The following ACSBG1 variants were observed in gnomAD, a reference collection of about 807,000 sequenced individuals.
ACSBG1 encodes long-chain-fatty-acid--CoA ligase ACSBG1.
In ACSBG1, 39 loss-of-function variants were observed where a neutral mutation model predicts 80.2. That is an observed-to-expected ratio of 0.49 (90% confidence interval 0.38 to 0.64). The LOEUF (loss-of-function observed/expected upper bound fraction) is 0.64. Among genes scored for constraint, ACSBG1 ranks in the 30% least tolerant of loss-of-function variants. The pLI is 0.00. For synonymous variants in ACSBG1, 392 were observed against 379.5 expected (o/e 1.03, Z -0.38); for missense variants, 828 against 966.4 (o/e 0.86, Z 1.90).
At chr15:78,207,147 G>T (rs2075223340) in intron 2 of ACSBG1, among the ~76,000 whole-genome samples, 1 of 152,212 alleles carries the variant, frequency 6.6e-6, no homozygotes, top group Non-Finnish European at 1.5e-5. Context: ...AGCTGTCCCT[G>T]TTCCTGGCCT....
chr15:78,229,143 GTC>G, intron 1 of ACSBG1, among the ~76,000 whole-genome samples: 1 of 149,702 alleles, frequency 6.7e-6, no homozygotes, highest in East Asian at 1.9e-4. Context: ...ATTTGTTAAT[GTC>G]TGTCTCCCCT....
chr15:78,182,343 A>C, intron 7 of ACSBG1, 123 bp downstream of exon 7: 1 of 1,405,292 alleles, frequency 7.1e-7, no homozygotes, highest in Non-Finnish European at 9.6e-7. Flanking sequence ...TGTTCTACCT[A>C]TCCCAGCTCC....
rs2075303284 is a variant in ACSBG1, at chr15:78,215,728, A to AAGAAAGAAAG, written c.132-7636_132-7627dup. Among the ~76,000 whole-genome samples the AAGAAAGAAAG allele has an allele frequency of 1.8e-4, 9 of 50,672 alleles. 1 individual carries two copies. In the South Asian group the frequency reaches 5.5e-3, roughly 31 times the overall value. The allele number at this position is 50,672 out of a possible 152,430, so 33.2% of individuals were successfully genotyped here. On this transcript the variant is annotated intron_variant, in intron 1 of 13. Coordinates refer to ENST00000258873, the MANE Select transcript of ACSBG1 (RefSeq NM_015162.5). ...GGAAAGAGAGAAAGAAAGAAAGAGA[A>AAGAAAGAAAG]AGAAAGAAAGAAAGAAAGAAAGAAA...
At chr15:78,223,253 A>C (rs1435383742) in intron 1 of ACSBG1, among the ~76,000 whole-genome samples, 1 of 142,488 alleles carries the variant, frequency 7.0e-6, no homozygotes, top group Non-Finnish European at 1.5e-5. Context: ...CAATGAGAGC[A>C]CATGGACATA....
Position 78,178,898 on chromosome 15 carries a change from C to G in ACSBG1, c.1485-67G>C. ...CTCCTCCAAGCCCCCACTGGGGAGC[C>G]GGGGTCCCAACTGCTCGGTCTTCAC... On this transcript the variant is annotated intron_variant, in intron 10 of 13. Coordinates refer to ENST00000258873, the MANE Select transcript of ACSBG1 (RefSeq NM_015162.5). The surrounding 1 kb of genome is among the most constrained non-coding windows in gnomAD (Gnocchi z 4.3). The G allele has an allele frequency of 6.7e-7, 1 of 1,496,102 alleles. No homozygotes were observed. Among genetic ancestry groups the G allele is most frequent in the Non-Finnish European group, 8.9e-7 (1 of 1,118,136 alleles). 92.7% of individuals were successfully genotyped at this position (1,496,102 alleles called of 1,614,324 possible).
chr15:78,228,954 AT>A (rs1212538323), intron 1 of ACSBG1, among the ~76,000 whole-genome samples: 5 of 151,792 alleles, frequency 3.3e-5, no homozygotes, highest in African/African-American at 7.3e-5. Flanking sequence ...GTTATATTCT[AT>A]TTTTTTTAAT....
chr15:78,192,026 T>A (rs530877810), intron 5 of ACSBG1, among the ~76,000 whole-genome samples: 2 of 152,156 alleles, frequency 1.3e-5, no homozygotes, highest in Admixed American at 6.5e-5. Context: ...ATTCCTGGTG[T>A]CCTTATAGAA....
rs191448248 is a variant in ACSBG1 at position 78,208,457 on chromosome 15, G to A, written c.132-355C>T. ...CTGGATGAGGACGGGGCTAAGGTCC[G>A]CACTGGAGGATTCTGAATGCCACTC... On this transcript the variant is annotated intron_variant, in intron 1 of 13. Coordinates refer to ENST00000258873, the MANE Select transcript of ACSBG1 (RefSeq NM_015162.5). Among the ~76,000 whole-genome samples the A allele has an allele frequency of 4.9e-4, 75 of 152,294 alleles. 1 individual carries two copies. The highest frequency in any genetic ancestry group is 1.7e-3 in the African/African-American group (69 of 41,568).
intron 1 of ACSBG1, among the ~76,000 whole-genome samples, chr15:78,212,065 G>A (rs555636506): frequency 1.2e-4 from 19 of 152,306 alleles, no homozygotes; most frequent in East Asian, 1.9e-4. Context: ...AACGCTTCAC[G>A]GATGAGGATC....
At chr15:78,210,660 C>T (rs2075259191) in intron 1 of ACSBG1, among the ~76,000 whole-genome samples, 1 of 152,222 alleles carries the variant, frequency 6.6e-6, no homozygotes, top group African/African-American at 2.4e-5. Context: ...GTTACCCAGG[C>T]TGGAGTGCAG....
chr15:78,223,886 A>C (rs1171081424), intron 1 of ACSBG1, among the ~76,000 whole-genome samples: 1 of 152,176 alleles, frequency 6.6e-6, no homozygotes, highest in Non-Finnish European at 1.5e-5. Context: ...AAGAGAAACA[A>C]CGTGACCACA....
intron 5 of ACSBG1, among the ~76,000 whole-genome samples, chr15:78,186,097 G>C (rs1049546855): frequency 6.6e-6 from 1 of 152,130 alleles, no homozygotes; most frequent in Non-Finnish European, 1.5e-5. Context: ...TATATGTTTA[G>C]GATAGTTAGC....
chr15:78,205,015 G>C (rs146777334), intron 2 of ACSBG1, among the ~76,000 whole-genome samples: 1 of 152,064 alleles, frequency 6.6e-6, no homozygotes, highest in Non-Finnish European at 1.5e-5. Context: ...GGGAGAAAGC[G>C]GGTGGGGAGC....
Position 78,168,905 on chromosome 15 carries a change from C to CT in ACSBG1, c.*2538dup. ...TTTGCGGATACATCTTTTATTTTTG[C>CT]TTTTTCCTTTTCTCAGAGCTTGACA... On this transcript the variant is annotated 3_prime_UTR_variant, in exon 14 of 14. Coordinates refer to ENST00000258873, the MANE Select transcript of ACSBG1 (RefSeq NM_015162.5). The CT allele has an allele frequency of 6.4e-7, 1 of 1,555,168 alleles. No homozygotes were observed. The highest frequency in any genetic ancestry group is 8.8e-7 in the Non-Finnish European group (1 of 1,132,766).
At chr15:78,203,491 C>G (rs1212683326) in intron 2 of ACSBG1, among the ~76,000 whole-genome samples, 2 of 152,248 alleles carry the variant, frequency 1.3e-5, no homozygotes, top group Admixed American at 1.3e-4. Context: ...CTTTCCCAGG[C>G]AAGGTTGGCA....
intron 2 of ACSBG1, among the ~76,000 whole-genome samples, chr15:78,202,586 A>G (rs1305150215): frequency 6.6e-6 from 1 of 151,940 alleles, no homozygotes; most frequent in African/African-American, 2.4e-5. Context: ...AGCCATCTGA[A>G]CTCATCTCCT....
intron 2 of ACSBG1, among the ~76,000 whole-genome samples, chr15:78,195,684 C>CT (rs1466183799): frequency 3.3e-5 from 5 of 152,150 alleles, no homozygotes; most frequent in African/African-American, 1.2e-4. Flanking sequence ...CCTTCTTCCT[C>CT]TTTTTTCCAA....
At chr15:78,207,928 A>ACCCCCCCC in intron 2 of ACSBG1, 74 bp downstream of exon 2, 3 of 383,782 alleles carry the variant, frequency 7.8e-6, no homozygotes, top group Admixed American at 3.1e-5. Flanking sequence ...CCCCCACACC[A>ACCCCCCCC]CCCACCCCTC....
chr15:78,176,885 G>T (rs1181938735), intron 11 of ACSBG1, among the ~76,000 whole-genome samples: 1 of 152,092 alleles, frequency 6.6e-6, no homozygotes, highest in East Asian at 1.9e-4. Context: ...CCGAGATCAC[G>T]CCAGTGCACT....
Sources: gnomAD v4.1 joint callset for allele counts (sites outside exome capture counted in the v4.1 genomes callset) on GRCh38, gnomAD v4.1.1 for gene constraint, Gnocchi (gnomAD v3.1) non-coding constraint, MANE v1.5 for transcripts, NCBI Gene and HGNC (gene_info 2026-07-23, HGNC 2026-07-21) for gene names.